The following FHIT variants were observed in gnomAD, a reference collection of about 807,000 sequenced individuals.
The protein encoded by FHIT is bis(5'-adenosyl)-triphosphatase.
FHIT carries 19 observed loss-of-function variants against 17.9 expected under a neutral mutation model. That is an observed-to-expected ratio of 1.06 (90% CI 0.74 to 1.56). The LOEUF is 1.56. FHIT is among the 40% of genes most tolerant of loss of function. The pLI is 0.00. For synonymous variants in FHIT, 81 were observed against 69.7 expected (o/e 1.16, Z -0.81); for missense variants, 248 against 189.2 (o/e 1.31, Z -1.82).
chr3:61,018,249 A>G (rs530012419), intron 3 of FHIT, among the ~76,000 whole-genome samples: 2 of 152,304 alleles, frequency 1.3e-5, no homozygotes, highest in African/African-American at 4.8e-5. Context: ...TCCTTAATCA[A>G]TGCAACACTA....
chr3:61,043,473 C>A (rs542037198), intron 2 of FHIT, among the ~76,000 whole-genome samples: 88 of 152,182 alleles, frequency 5.8e-4, no homozygotes, highest in South Asian at 1.2e-3. Flanking sequence ...CAAAGAGGCC[C>A]AGAAACTCAA....
At chr3:59,933,218 C>T (rs1006779029) in intron 7 of FHIT, among the ~76,000 whole-genome samples, 3 of 152,052 alleles carry the variant, frequency 2.0e-5, no homozygotes, top group African/African-American at 7.2e-5. Context: ...AAATAAATCC[C>T]CCAAATTCAG....
intron 5 of FHIT, among the ~76,000 whole-genome samples, chr3:60,083,869 T>C (rs1332094079): frequency 6.6e-6 from 1 of 152,190 alleles, no homozygotes; most frequent in Non-Finnish European, 1.5e-5. Flanking sequence ...GCTCAAATCA[T>C]CCTCAGACAA....
intron 4 of FHIT, among the ~76,000 whole-genome samples, chr3:60,745,287 G>C (rs1268326817): frequency 6.6e-6 from 1 of 152,194 alleles, no homozygotes. Flanking sequence ...AAAGCCAGGG[G>C]AAAAGCATCA....
At chr3:59,950,983 A>G (rs1275578602) in intron 7 of FHIT, among the ~76,000 whole-genome samples, 1 of 152,188 alleles carries the variant, frequency 6.6e-6, no homozygotes, top group African/African-American at 2.4e-5. Flanking sequence ...ATGGTTTGGC[A>G]TAGTAACAAC....
intron 2 of FHIT, among the ~76,000 whole-genome samples, chr3:61,131,912 A>G (rs1234833289): frequency 6.6e-6 from 1 of 152,240 alleles, no homozygotes; most frequent in Non-Finnish European, 1.5e-5. Flanking sequence ...AGAGGGTACT[A>G]AAATAGCCCC....
chr3:60,730,960 CAAAAAAAAAA>C (rs56078734), intron 4 of FHIT, among the ~76,000 whole-genome samples: 7 of 135,806 alleles, frequency 5.2e-5, no homozygotes, highest in Non-Finnish European at 1.1e-4. Flanking sequence ...AATAAAAATA[CAAAAAAAAAA>C]AAAAAAAAAA....
chr3:60,558,557 G>T (rs1332138829), intron 4 of FHIT, among the ~76,000 whole-genome samples: 2 of 151,900 alleles, frequency 1.3e-5, no homozygotes, highest in Non-Finnish European at 2.9e-5. Context: ...TTCTCCTCTT[G>T]CACAGTCCAG....
intron 5 of FHIT, among the ~76,000 whole-genome samples, chr3:60,450,930 T>C (rs2031697003): frequency 6.6e-6 from 1 of 152,154 alleles, no homozygotes; most frequent in South Asian, 2.1e-4. Context: ...ATATGGGCTA[T>C]TTAAGTGAGA....
intron 5 of FHIT, among the ~76,000 whole-genome samples, chr3:60,329,126 G>A (rs952093357): frequency 3.9e-5 from 6 of 152,068 alleles, no homozygotes; most frequent in African/African-American, 1.4e-4. Context: ...ACAAATAGTT[G>A]TTCTTTTCAA....
At chr3:60,700,466 C>A (rs2041220045) in intron 4 of FHIT, among the ~76,000 whole-genome samples, 1 of 152,090 alleles carries the variant, frequency 6.6e-6, no homozygotes, top group East Asian at 1.9e-4. Flanking sequence ...TAATATTTCA[C>A]AGTATGGTTA....
intron 5 of FHIT, among the ~76,000 whole-genome samples, chr3:60,107,220 G>C (rs1704463135): frequency 7.6e-6 from 1 of 131,706 alleles, no homozygotes. Flanking sequence ...TACACATCCA[G>C]AGCACATGTG....
chr3:60,345,317 A>G (rs779330573), intron 5 of FHIT, among the ~76,000 whole-genome samples: 1 of 152,166 alleles, frequency 6.6e-6, no homozygotes, highest in Non-Finnish European at 1.5e-5. Flanking sequence ...CATCAATTAG[A>G]GACAGCATGA....
chr3:60,967,143 T>C (rs1323938992), intron 3 of FHIT, among the ~76,000 whole-genome samples: 1 of 152,210 alleles, frequency 6.6e-6, no homozygotes. Flanking sequence ...AATTGCTTTA[T>C]TCACCTCCTC....
intron 5 of FHIT, among the ~76,000 whole-genome samples, chr3:60,196,754 C>A (rs1209568625): frequency 1.3e-5 from 2 of 151,752 alleles, no homozygotes; most frequent in African/African-American, 4.8e-5. Flanking sequence ...TACATGCACA[C>A]ACATATCCAT....
At chr3:61,159,503 G>T (rs1251127721) in intron 2 of FHIT, among the ~76,000 whole-genome samples, 2 of 152,118 alleles carry the variant, frequency 1.3e-5, no homozygotes, top group East Asian at 3.9e-4. Flanking sequence ...TGCCCACTTG[G>T]TGTCTTCACA....
intron 2 of FHIT, among the ~76,000 whole-genome samples, chr3:61,067,387 G>C (rs2034647777): frequency 1.3e-5 from 2 of 152,132 alleles, no homozygotes; most frequent in South Asian, 4.1e-4. Context: ...GGAGAAAACA[G>C]GCACAAGTTT....
intron 3 of FHIT, among the ~76,000 whole-genome samples, chr3:60,860,315 G>A (rs1703635925): frequency 6.8e-6 from 1 of 148,112 alleles, no homozygotes; most frequent in African/African-American, 2.5e-5. Context: ...ATGTATACAT[G>A]AGATACATCA....
intron 5 of FHIT, among the ~76,000 whole-genome samples, chr3:60,363,169 T>C (rs1382515348): frequency 6.6e-6 from 1 of 152,146 alleles, no homozygotes; most frequent in Non-Finnish European, 1.5e-5. Flanking sequence ...TTTTCTTCTC[T>C]AAATTCGTGG....
Sources: gnomAD v4.1 joint callset for allele counts (sites outside exome capture counted in the v4.1 genomes callset) on GRCh38, gnomAD v4.1.1 for gene constraint, MANE v1.5 for transcripts, NCBI Gene and HGNC (gene_info 2026-07-23, HGNC 2026-07-21) for gene names.